Variants in PLA2G4A observed in about 807,000 individuals in gnomAD.
PLA2G4A encodes the protein cytosolic phospholipase A2.
Under a neutral mutation model 81.9 loss-of-function variants are expected in PLA2G4A, and 40 were observed. The ratio of observed to expected loss-of-function variants is 0.49; its 90% confidence interval spans 0.38 to 0.64. PLA2G4A has a LOEUF of 0.64. Among genes scored for constraint, PLA2G4A ranks in the 30% least tolerant of loss-of-function variants. The pLI is 0.00. For synonymous variants in PLA2G4A, 302 were observed against 296.9 expected (o/e 1.02, Z -0.18); for missense variants, 715 against 905.1 (o/e 0.79, Z 2.69).
At chr1:186,914,787 A>T (rs1050594031) in intron 7 of PLA2G4A, among the ~76,000 whole-genome samples, 2 of 151,768 alleles carry the variant, frequency 1.3e-5, no homozygotes, top group African/African-American at 4.8e-5. Context: ...CTTTCTTTGG[A>T]GGTAGAAATT....
intron 7 of PLA2G4A, among the ~76,000 whole-genome samples, chr1:186,932,282 T>A (rs934569954): frequency 1.4e-5 from 2 of 143,650 alleles, no homozygotes; most frequent in Non-Finnish European, 3.0e-5. Context: ...TATGAAACAT[T>A]CTTTTCTTTT....
chr1:186,965,618 C>T, intron 15 of PLA2G4A, 25 bp downstream of exon 15: 3 of 1,489,738 alleles, frequency 2.0e-6, no homozygotes, highest in Non-Finnish European at 2.8e-6. Context: ...TACAGCATTC[C>T]ATTCTCTACC....
chr1:186,924,370 GC>G (rs1655469997), intron 7 of PLA2G4A, among the ~76,000 whole-genome samples: 1 of 152,020 alleles, frequency 6.6e-6, no homozygotes, highest in Non-Finnish European at 1.5e-5. Flanking sequence ...TCTTGTTCTT[GC>G]CCTATCTTAC....
intron 17 of PLA2G4A, among the ~76,000 whole-genome samples, chr1:186,985,363 A>G (rs1025824421): frequency 7.9e-5 from 12 of 152,192 alleles, no homozygotes; most frequent in Non-Finnish European, 1.6e-4. Flanking sequence ...TCGGATAAAA[A>G]AAAATGCAAG....
intron 10 of PLA2G4A, among the ~76,000 whole-genome samples, chr1:186,945,055 A>G (rs1656289241): frequency 6.6e-6 from 1 of 152,184 alleles, no homozygotes; most frequent in Admixed American, 6.6e-5. Context: ...AGCTAGAAAA[A>G]AAAATGAAGT....
chr1:186,865,693 T>C (rs1481424215), intron 2 of PLA2G4A, among the ~76,000 whole-genome samples: 1 of 152,210 alleles, frequency 6.6e-6, no homozygotes, highest in East Asian at 1.9e-4. Context: ...TCAACTTTAT[T>C]TTATGATTGT....
At chr1:186,890,373 A>G (rs1157064731) in intron 3 of PLA2G4A, among the ~76,000 whole-genome samples, 1 of 152,188 alleles carries the variant, frequency 6.6e-6, no homozygotes, top group African/African-American at 2.4e-5. Flanking sequence ...GTAAGACATT[A>G]AAGGATTCGG....
chr1:186,959,116 T>G (rs1656856023), intron 14 of PLA2G4A, among the ~76,000 whole-genome samples: 1 of 152,154 alleles, frequency 6.6e-6, no homozygotes, highest in African/African-American at 2.4e-5. Context: ...CTTTTGTTCA[T>G]TCTTTCATTC....
rs772687653 is a variant in PLA2G4A at position 186,950,650 on chromosome 1, T to G, written c.1265-7T>G. ...AATGCTTCAATTTTTTTGTTTTCTTTTCACAGAAAATATTACCACAAAGCA... is the reference window on the plus strand; with the variant it reads ...AATGCTTCAATTTTTTTGTTTTCTTGTCACAGAAAATATTACCACAAAGCA... On this transcript the variant is annotated splice_polypyrimidine_tract_variant and splice_region_variant and intron_variant, in intron 12 of 17. Coordinates refer to ENST00000367466, the MANE Select transcript of PLA2G4A (RefSeq NM_024420.3). The G allele has an allele frequency of 3.9e-6, 6 of 1,542,264 alleles. No homozygotes were observed. The East Asian group carries it at 1.3e-4, about 35-fold the overall frequency.
intron 6 of PLA2G4A, 113 bp from the exon 7 acceptor site, chr1:186,911,135 G>T: frequency 1.2e-6 from 1 of 840,392 alleles, no homozygotes; most frequent in Non-Finnish European, 2.1e-6. Flanking sequence ...ATGGCTTGAG[G>T]GAAGCAGTCA....
chr1:186,839,515 G>A (rs1351830569), intron 1 of PLA2G4A, among the ~76,000 whole-genome samples: 2 of 152,156 alleles, frequency 1.3e-5, no homozygotes, highest in Non-Finnish European at 2.9e-5. Flanking sequence ...AGAACCCATT[G>A]AGGCATTATA....
intron 1 of PLA2G4A, among the ~76,000 whole-genome samples, chr1:186,831,357 C>A (rs757814810): frequency 9.2e-5 from 14 of 152,110 alleles, no homozygotes; most frequent in Non-Finnish European, 1.6e-4. Flanking sequence ...TTCTAGAACT[C>A]CAAGCAACTT....
At chr1:186,953,710 T>C (rs927167139) in intron 13 of PLA2G4A, among the ~76,000 whole-genome samples, 1 of 152,244 alleles carries the variant, frequency 6.6e-6, no homozygotes, top group Non-Finnish European at 1.5e-5. Flanking sequence ...AATAGAAATG[T>C]ACTATTACTG....
intron 6 of PLA2G4A, among the ~76,000 whole-genome samples, chr1:186,907,729 G>C (rs952282622): frequency 2.0e-5 from 3 of 152,218 alleles, no homozygotes; most frequent in African/African-American, 7.2e-5. Flanking sequence ...TTTGGCAAAT[G>C]CATGATAATA....
At chr1:186,937,684 A>G (rs1321106343) in intron 8 of PLA2G4A, among the ~76,000 whole-genome samples, 2 of 151,786 alleles carry the variant, frequency 1.3e-5, no homozygotes, top group Non-Finnish European at 2.9e-5. Context: ...TTATTGTGAA[A>G]TAGGAATAGT....
chr1:186,881,668 G>A (rs1653738736), intron 3 of PLA2G4A, among the ~76,000 whole-genome samples: 2 of 151,900 alleles, frequency 1.3e-5, no homozygotes, highest in African/African-American at 2.4e-5. Context: ...TACAAATAAA[G>A]GTTAATTACA....
intron 14 of PLA2G4A, among the ~76,000 whole-genome samples, chr1:186,962,659 T>C (rs907596068): frequency 3.3e-5 from 5 of 152,104 alleles, no homozygotes; most frequent in Admixed American, 2.6e-4. Flanking sequence ...TAGCTGGGAC[T>C]ACAGGCGCCC....
At chr1:186,860,939 G>A (rs1397059953) in intron 2 of PLA2G4A, among the ~76,000 whole-genome samples, 1 of 152,072 alleles carries the variant, frequency 6.6e-6, no homozygotes, top group African/African-American at 2.4e-5. Context: ...AACATCGTAA[G>A]TATAGTATAG....
Position 186,870,476 on chromosome 1 carries a change from A to G in PLA2G4A, c.75A>G (p.Leu25=). Residue 25 remains leucine, a synonymous_variant, in exon 3 of 18, where the codon TTA becomes TTG. Transcript: ENST00000367466. ...QYSHKFTVVV[L]RATKVTKGAF... ...CCCACAAGTTTACGGTAGTGGTGTT[A>G]CGTGCCACCAAAGTGACAAAGGGGG... 6.2e-7 allele frequency: 1 copy of G among 1,611,912 alleles called. No homozygotes were observed. Among genetic ancestry groups the G allele is most frequent in the Non-Finnish European group, 8.5e-7 (1 of 1,178,000 alleles).
Sources: gnomAD v4.1 joint callset for allele counts (sites outside exome capture counted in the v4.1 genomes callset) on GRCh38, gnomAD v4.1.1 for gene constraint, MANE v1.5 for transcripts, NCBI Gene and HGNC (gene_info 2026-07-23, HGNC 2026-07-21) for gene names.